Variants in TEKT5 observed in about 807,000 individuals in gnomAD.
The protein encoded by TEKT5 is tektin-5.
Under a neutral mutation model 48.7 loss-of-function variants are expected in TEKT5, and 52 were observed. The observed-to-expected ratio is 1.07, with a 90% CI of 0.86 to 1.35. The LOEUF is 1.35. Ranked by LOEUF, TEKT5 falls within the 40% of genes most tolerant of loss-of-function variation. The probability of loss-of-function intolerance (pLI) is 0.00; values close to 1 mark genes in which losing one functional copy is unlikely to be tolerated. For synonymous variants in TEKT5, 318 were observed against 267.6 expected, an observed-to-expected ratio of 1.19 and a Z score of -1.84; for missense variants, 831 against 641.6, an observed-to-expected ratio of 1.30 and a Z score of -3.19.
chr16:10,640,343 A>G (rs1897976798), intron 5 of TEKT5, among the ~76,000 whole-genome samples: 1 of 152,078 alleles, frequency 6.6e-6, no homozygotes, highest in Non-Finnish European at 1.5e-5. Context: ...CAAACTCCTG[A>G]CCTAAAGTGA....
At chr16:10,687,733 G>A (rs539179198) in intron 3 of TEKT5, among the ~76,000 whole-genome samples, 5 of 152,368 alleles carry the variant, frequency 3.3e-5, no homozygotes, top group South Asian at 4.1e-4. Context: ...AGTCTGGGCA[G>A]CAGAATGAGA....
At chr16:10,654,676 C>T (rs12922251) in intron 5 of TEKT5, among the ~76,000 whole-genome samples, 10,028 of 152,180 alleles carry the variant, frequency 0.066, 513 homozygotes, top group East Asian at 0.2. Context: ...CTTACAGCCT[C>T]AGCCCCTGAC....
At chr16:10,674,261 A>G (rs550613419) in intron 5 of TEKT5, among the ~76,000 whole-genome samples, 1 of 151,574 alleles carries the variant, frequency 6.6e-6, no homozygotes, top group Non-Finnish European at 1.5e-5. Context: ...TGCTCCACCC[A>G]GTGTGGGTCC....
intron 5 of TEKT5, among the ~76,000 whole-genome samples, chr16:10,667,402 C>A (rs2142292555): frequency 6.6e-6 from 1 of 152,314 alleles, no homozygotes; most frequent in East Asian, 1.9e-4. Context: ...CAATCGCAGG[C>A]AGCCAACTGT....
chr16:10,660,328 G>T (rs577824207), intron 5 of TEKT5, among the ~76,000 whole-genome samples: 1 of 152,114 alleles, frequency 6.6e-6, no homozygotes, highest in Admixed American at 6.6e-5. Context: ...TGGGCCACAT[G>T]CCCCCACCTT....
chr16:10,631,069 C>CAT (rs150668217), intron 6 of TEKT5, among the ~76,000 whole-genome samples: 112,378 of 145,104 alleles, frequency 0.77, 43,906 homozygotes, highest in Admixed American at 0.85. Context: ...TATCTATGTC[C>CAT]ATATATATAT....
chr16:10,655,580 A>G (rs892262727), intron 5 of TEKT5, among the ~76,000 whole-genome samples: 6 of 152,246 alleles, frequency 3.9e-5, no homozygotes, highest in Admixed American at 3.9e-4. Context: ...ACACTATAAA[A>G]GACTACATTT....
chr16:10,628,225 G>C (rs753159372), intron 6 of TEKT5, among the ~76,000 whole-genome samples: 6 of 152,216 alleles, frequency 3.9e-5, no homozygotes, highest in Non-Finnish European at 8.8e-5. Flanking sequence ...ACAGCAGCAA[G>C]CAAGACAGGC....
intron 5 of TEKT5, among the ~76,000 whole-genome samples, chr16:10,638,209 GCCTATGCATTTATTCCAGAAGGAAGCTGT>G (rs1349792472): frequency 6.6e-6 from 1 of 152,182 alleles, no homozygotes; most frequent in East Asian, 1.9e-4. Context: ...GGGCTCAAAA[GCCTATGCATTTATTCCAGAAGGAAGCTGT>G]CCTTGCACTT....
At chr16:10,682,862 A>G (rs1387942344) in intron 3 of TEKT5, among the ~76,000 whole-genome samples, 2 of 152,184 alleles carry the variant, frequency 1.3e-5, no homozygotes, top group Non-Finnish European at 2.9e-5. Flanking sequence ...AATTTTGAAG[A>G]TATCAATCCA....
At chr16:10,665,481 C>T (rs537351331) in intron 5 of TEKT5, among the ~76,000 whole-genome samples, 3 of 152,302 alleles carry the variant, frequency 2.0e-5, no homozygotes, top group South Asian at 2.1e-4. Context: ...TGCCCTCTCC[C>T]GTGTTCGTTC....
intron 4 of TEKT5, 60 bp from the exon 5 acceptor site, chr16:10,676,241 T>C: frequency 2.0e-6 from 3 of 1,534,956 alleles, no homozygotes; most frequent in Non-Finnish European, 2.7e-6. Flanking sequence ...CTGTGGTTTC[T>C]CCGCCTTGGC....
intron 5 of TEKT5, among the ~76,000 whole-genome samples, chr16:10,661,316 G>A (rs1318061476): frequency 1.3e-5 from 2 of 152,130 alleles, no homozygotes; most frequent in African/African-American, 2.4e-5. Flanking sequence ...TGTGTTCAGA[G>A]AACAATTTCT....
intron 6 of TEKT5, among the ~76,000 whole-genome samples, chr16:10,634,536 G>A (rs1385837629): frequency 6.6e-6 from 1 of 152,160 alleles, no homozygotes; most frequent in Non-Finnish European, 1.5e-5. Flanking sequence ...GCCCATAGGA[G>A]GATGCTCCAA....
intron 5 of TEKT5, among the ~76,000 whole-genome samples, chr16:10,651,983 G>A (rs982639506): frequency 1.3e-5 from 2 of 151,992 alleles, no homozygotes; most frequent in Non-Finnish European, 2.9e-5. Context: ...AAAGACAAGA[G>A]GATAAGCATT....
intron 5 of TEKT5, among the ~76,000 whole-genome samples, chr16:10,652,765 AACACAC>A (rs59542661): frequency 0.094 from 3,174 of 33,910 alleles, 339 homozygotes; most frequent in African/African-American, 0.24. Context: ...TACACAGGCA[AACACAC>A]ACACACACAC....
intron 5 of TEKT5, among the ~76,000 whole-genome samples, chr16:10,672,827 C>T (rs1038579580): frequency 6.6e-6 from 1 of 151,616 alleles, no homozygotes; most frequent in Admixed American, 6.6e-5. Context: ...TCAATCCTCA[C>T]GGCAGTTATT....
chr16:10,629,132 G>A (rs941143466), intron 6 of TEKT5, among the ~76,000 whole-genome samples: 13 of 152,166 alleles, frequency 8.5e-5, no homozygotes, highest in Non-Finnish European at 1.8e-4. Context: ...TAATGGGTAC[G>A]GGGTTTCCTT....
In TEKT5 at chr16:10,681,370, A is replaced by ACTCTCT. The variant is rs1458051750; in HGVS notation, c.863+617_863+622dup. Among the ~76,000 whole-genome samples, 826 of 148,020 alleles carry ACTCTCT rather than the reference A, an allele frequency of 5.6e-3. 14 individuals are homozygous for ACTCTCT. The highest frequency in any genetic ancestry group is 0.02 in the African/African-American group (798 of 39,962). On this transcript the variant is annotated intron_variant, in intron 4 of 6. Transcript: ENST00000283025. Reference sequence around the variant, plus strand: ...GCCACGTAGCCTGGCTCCAGATTCCACTCTCTGTCTCTCTCTCTCTCTCTC... The same window carrying ACTCTCT: ...GCCACGTAGCCTGGCTCCAGATTCCACTCTCTCTCTCTGTCTCTCTCTCTCTCTCTC...
Sources: gnomAD v4.1 joint callset for allele counts (sites outside exome capture counted in the v4.1 genomes callset) on GRCh38, gnomAD v4.1.1 for gene constraint, MANE v1.5 for transcripts, NCBI Gene and HGNC (gene_info 2026-07-23, HGNC 2026-07-21) for gene names.